The following APLP2 variants were observed in gnomAD, a reference collection of about 807,000 sequenced individuals.
The protein encoded by APLP2 is amyloid beta precursor like protein 2, also known as CDEI box-binding protein.
In APLP2, 53 loss-of-function variants were observed where a neutral mutation model predicts 89.9. The ratio of observed to expected loss-of-function variants is 0.59; its 90% confidence interval spans 0.47 to 0.74. The LOEUF is 0.74. Among genes scored for constraint, APLP2 ranks in the 30% least tolerant of loss-of-function variants. The pLI, the probability that APLP2 is intolerant of heterozygous loss-of-function variation, is 0.00. For synonymous variants in APLP2, 372 were observed against 348.6 expected (o/e 1.07, Z -0.75); for missense variants, 973 against 975.9 (o/e 1.00, Z 0.04).
chr11:130,133,398 C>T (rs941624201), intron 11 of APLP2, among the ~76,000 whole-genome samples: 1 of 152,188 alleles, frequency 6.6e-6, no homozygotes, highest in East Asian at 1.9e-4. Context: ...GCTGGAATTA[C>T]AGGTGTGAGC....
At chr11:130,085,492 C>T (rs766323722) in intron 1 of APLP2, among the ~76,000 whole-genome samples, 6 of 152,012 alleles carry the variant, frequency 3.9e-5, no homozygotes, top group East Asian at 3.9e-4. Flanking sequence ...AAAAAAACTT[C>T]GAACTAAGGA....
In APLP2 at chr11:130,137,265, C is replaced by T. The variant is rs148000494; in HGVS notation, c.1837+1550C>T. On this transcript the variant is annotated intron_variant, in intron 13 of 16. Transcript: ENST00000338167. ...TTTTCCTTTCTGCTAGACACTCAGC[C>T]GGAGTTGTACCACCCAATGAAAAAA... 283 of 1,613,952 alleles carry T rather than the reference C, an allele frequency of 1.8e-4. No homozygotes were observed. The highest frequency in any genetic ancestry group is 2.2e-4 in the Non-Finnish European group (264 of 1,179,950).
intron 1 of APLP2, among the ~76,000 whole-genome samples, chr11:130,088,848 C>T (rs1194597724): frequency 1.3e-5 from 2 of 151,756 alleles, no homozygotes; most frequent in Non-Finnish European, 2.9e-5. Flanking sequence ...CACAGTCTCC[C>T]CCAGGTGGTT....
In APLP2 at chr11:130,109,420, C is replaced by T. The variant is rs200260784; in HGVS notation, c.106-9C>T. 4 of 1,602,390 alleles carry T rather than the reference C, an allele frequency of 2.5e-6. No homozygotes were observed. The highest frequency in any genetic ancestry group is 1.3e-5 in the African/African-American group (1 of 74,226). On this transcript the variant is annotated splice_polypyrimidine_tract_variant and intron_variant, in intron 1 of 16. Coordinates refer to ENST00000338167, the MANE Select transcript of APLP2 (RefSeq NM_001142276.2). ...TGGAGTAAACCTGCAATTTTTTTCC[C>T]TTTGGTAGGCTCTTGCAGCCAATGC... is the stretch of plus-strand genomic sequence containing the variant.
intron 1 of APLP2, among the ~76,000 whole-genome samples, chr11:130,074,058 G>A (rs1192307775): frequency 5.3e-5 from 8 of 152,088 alleles, no homozygotes; most frequent in Non-Finnish European, 1.0e-4. Context: ...AAGAGCCAAA[G>A]ACATTGTCTT....
intron 13 of APLP2, among the ~76,000 whole-genome samples, chr11:130,138,377 A>G (rs1951884594): frequency 6.6e-6 from 1 of 152,162 alleles, no homozygotes; most frequent in South Asian, 2.1e-4. Flanking sequence ...CTGTGCCGAC[A>G]TTCCTTTCAA....
intron 7 of APLP2, among the ~76,000 whole-genome samples, 187 bp from the exon 8 acceptor site, chr11:130,126,513 A>ATG (rs1239676255): frequency 1.3e-4 from 20 of 152,334 alleles, no homozygotes; most frequent in South Asian, 1.2e-3. Context: ...ATGGTTGATG[A>ATG]ATATTGTGTA....
intron 3 of APLP2, among the ~76,000 whole-genome samples, chr11:130,115,376 C>A (rs1469194281): frequency 6.6e-6 from 1 of 152,088 alleles, no homozygotes; most frequent in Non-Finnish European, 1.5e-5. Flanking sequence ...AGTAGGTAAA[C>A]AACCTTTGTT....
In APLP2 at chr11:130,120,717, G is replaced by A. The variant is rs142413500; in HGVS notation, c.415G>A (p.Val139Ile). 1.5e-4 allele frequency: 244 copies of A among 1,613,512 alleles called. 1 individual carries two copies. The highest frequency in any genetic ancestry group is 2.0e-4 in the Non-Finnish European group (237 of 1,179,564). The change falls in exon 4 of 17, where the codon GTA (valine) becomes ATA (isoleucine). Residue 139 changes from valine (V) to isoleucine (I), a missense_variant. Transcript: ENST00000338167. ...TPFKCLVGEF[V>I]SDVLLVPEKC... The stretch of plus-strand genomic sequence containing the variant: ...ATTCTCTTTTCCAGTGGGTGAATTT[G>A]TAAGTGATGTCCTGCTAGTTCCAGA...
At chr11:130,075,226 T>G (rs1422379933) in intron 1 of APLP2, among the ~76,000 whole-genome samples, 1 of 152,226 alleles carries the variant, frequency 6.6e-6, no homozygotes, top group Non-Finnish European at 1.5e-5. Flanking sequence ...CATGGCTCAC[T>G]GCGGCCTCAA....
chr11:130,133,011 A>G (rs991096889), intron 11 of APLP2, among the ~76,000 whole-genome samples: 1 of 150,514 alleles, frequency 6.6e-6, no homozygotes, highest in African/African-American at 2.5e-5. Flanking sequence ...TATAATTAGT[A>G]GTAAGTGCCT....
Position 130,123,422 on chromosome 11 carries a change from C to G in APLP2, c.923-190C>G, listed in dbSNP as rs1950042208. Among the ~76,000 whole-genome samples, 2 of 152,268 alleles carry G rather than the reference C, an allele frequency of 1.3e-5. No individual in the cohort carries two copies. The highest frequency in any genetic ancestry group is 2.4e-5 in the African/African-American group (1 of 41,484). On this transcript the variant is annotated intron_variant, in intron 6 of 16. Coordinates refer to ENST00000338167, the MANE Select transcript of APLP2 (RefSeq NM_001142276.2). This position sits in a 1 kb window ranked among gnomAD's most constrained non-coding sequence, Gnocchi z 4.0. ...TATTTATCCCAGTTCCTAAATGTCTCTACTCTGTGGGGAAGCAACTTGTCC... is the reference window on the plus strand; with the variant it reads ...TATTTATCCCAGTTCCTAAATGTCTGTACTCTGTGGGGAAGCAACTTGTCC...
intron 1 of APLP2, among the ~76,000 whole-genome samples, chr11:130,075,297 T>TA (rs1941923742): frequency 6.6e-6 from 1 of 152,194 alleles, no homozygotes; most frequent in Non-Finnish European, 1.5e-5. Flanking sequence ...GTACAGTGCA[T>TA]ACCACCACAT....
At chr11:130,114,626 G>C (rs557964489) in intron 3 of APLP2, among the ~76,000 whole-genome samples, 1 of 152,256 alleles carries the variant, frequency 6.6e-6, no homozygotes, top group South Asian at 2.1e-4. Flanking sequence ...GATTCTCCAA[G>C]TCCATTCTGT....
chr11:130,097,026 C>T (rs1293917522), intron 1 of APLP2, among the ~76,000 whole-genome samples: 1 of 152,190 alleles, frequency 6.6e-6, no homozygotes, highest in East Asian at 1.9e-4. Context: ...TGTCTGCAAG[C>T]AGATCTGCTG....
intron 3 of APLP2, among the ~76,000 whole-genome samples, chr11:130,119,050 C>T (rs150987075): frequency 3.3e-5 from 5 of 152,282 alleles, no homozygotes; most frequent in South Asian, 4.1e-4. Flanking sequence ...TGCTTGCGCC[C>T]GAGGCCCAAG....
In APLP2 at chr11:130,118,816, G is replaced by A. The variant is rs117769674; in HGVS notation, c.404-1890G>A. Among the ~76,000 whole-genome samples the A allele has an allele frequency of 6.4e-3, 975 of 152,280 alleles. 26 individuals are homozygous for A. In the East Asian group the frequency reaches 0.068, roughly 11 times the overall value. On this transcript the variant is annotated intron_variant, in intron 3 of 16. Coordinates refer to ENST00000338167, the MANE Select transcript of APLP2 (RefSeq NM_001142276.2). The stretch of plus-strand genomic sequence containing the variant: ...GTCCTCAAGGGTAAGCAGCATGTCA[G>A]GCTCACTTTCGCAATCCTGCTTCAG...
intron 1 of APLP2, chr11:130,108,577 G>A: frequency 6.6e-6 from 1 of 152,204 alleles, no homozygotes; most frequent in Non-Finnish European, 1.5e-5. Context: ...AGAGGATGTG[G>A]AGAAATAGGA....
At chr11:130,109,699 C>T in intron 2 of APLP2, 97 bp downstream of exon 2, 2 of 1,344,174 alleles carry the variant, frequency 1.5e-6, no homozygotes, top group Non-Finnish European at 2.0e-6. Context: ...CTCTTTTGAC[C>T]TAAGACCAAG....
Sources: allele counts gnomAD v4.1 joint callset (sites outside exome capture counted in the v4.1 genomes callset), GRCh38; gene constraint gnomAD v4.1.1; non-coding constraint Gnocchi (gnomAD v3.1); transcripts MANE v1.5; gene names NCBI Gene and HGNC (gene_info 2026-07-23, HGNC 2026-07-21).